SLC16A5: variants seen among roughly 807,000 people sequenced by gnomAD.
SLC16A5 encodes the protein monocarboxylate transporter 6.
SLC16A5 carries 29 observed loss-of-function variants against 33.2 expected under a neutral mutation model. The observed-to-expected ratio is 0.87, with a 90% CI of 0.65 to 1.19. The LOEUF is 1.19. Ranked by LOEUF, SLC16A5 falls within the 50% of genes most tolerant of loss-of-function variation. SLC16A5 has a pLI of 0.00. For missense variants in SLC16A5, 606 were observed against 678.2 expected, an observed-to-expected ratio of 0.89 and a Z score of 1.18; for synonymous variants, 248 against 284.1, an observed-to-expected ratio of 0.87 and a Z score of 1.28.
chr17:75,097,319 T>C (rs572287324), intron 3 of SLC16A5, among the ~76,000 whole-genome samples: 1 of 152,170 alleles, frequency 6.6e-6, no homozygotes, highest in South Asian at 2.1e-4. Context: ...CTGCAGCTCT[T>C]TTCTATTTTT....
Position 75,100,560 on chromosome 17 carries a change from C to T in SLC16A5, c.897C>T (p.Ala299=). The T allele has an allele frequency of 6.2e-7, 1 of 1,614,224 alleles. No homozygotes were observed. The highest frequency in any genetic ancestry group is 1.1e-5 in the South Asian group (1 of 91,090). ...PLAGLMAGRP[A]FASHRKYLFS... ...CCGGGCTGATGGCAGGACGGCCGGC[C>T]TTTGCTAGCCACCGCAAGTACCTGT... is the stretch of plus-strand genomic sequence containing the variant. The change falls in exon 5 of 7, where the codon GCC becomes GCT. Residue 299 remains alanine, a synonymous_variant. Transcript: ENST00000329783.
At chr17:75,094,714 G>T (rs1397579227) in intron 3 of SLC16A5, among the ~76,000 whole-genome samples, 1 of 150,622 alleles carries the variant, frequency 6.6e-6, no homozygotes, top group African/African-American at 2.4e-5. Flanking sequence ...AGGAACAAGA[G>T]GGGGACAAGG....
chr17:75,104,354 C>A (rs947493354), intron 6 of SLC16A5, 174 bp downstream of exon 6: 46 of 1,425,602 alleles, frequency 3.2e-5, no homozygotes, highest in Non-Finnish European at 3.8e-5. Context: ...GCTCTGCAAG[C>A]TGGGACTCTG....
chr17:75,099,862 C>T (rs1256161288), intron 4 of SLC16A5, 145 bp from the exon 5 acceptor site: 8 of 785,342 alleles, frequency 1.0e-5, no homozygotes, highest in Non-Finnish European at 1.4e-5. Context: ...CAGCTGATTC[C>T]ATGGTCAGTC....
intron 3 of SLC16A5, among the ~76,000 whole-genome samples, chr17:75,097,829 G>C (rs567980154): frequency 6.6e-6 from 1 of 152,178 alleles, no homozygotes; most frequent in Admixed American, 6.5e-5. Flanking sequence ...TCCTCACTTT[G>C]TAGGGGAAAA....
downstream of SLC16A5, among the ~76,000 whole-genome samples, chr17:75,108,624 T>C (rs896863621): frequency 2.0e-5 from 3 of 152,296 alleles, no homozygotes; most frequent in South Asian, 4.1e-4. Flanking sequence ...TATTTGGGCA[T>C]AGGGCATTGC....
chr17:75,106,049 C>A lies in SLC16A5; in HGVS notation c.*16C>A, dbSNP rs375610428. On this transcript the variant is annotated 3_prime_UTR_variant, in exon 7 of 7. Transcript: ENST00000329783. ...CCCTACCTGAGTGCCCTGTTTGACT[C>A]CGCCACTATCTGCCATGTGAGTTGG... 11 of 1,341,288 alleles carry A rather than the reference C, an allele frequency of 8.2e-6. No homozygotes were observed. The highest frequency in any genetic ancestry group is 1.1e-5 in the Non-Finnish European group (11 of 960,456). The allele number at this position is 1,341,288 out of a possible 1,614,324, so 83.1% of individuals were successfully genotyped here.
At position 75,100,069 on chromosome 17, in the gene SLC16A5, C is replaced by T. The variant is rs772893716; in HGVS notation, c.406C>T (p.Arg136Trp). 42 of 1,613,466 alleles carry T rather than the reference C, an allele frequency of 2.6e-5. No individual in the cohort carries two copies. The highest frequency in any genetic ancestry group is 2.8e-5 in the Non-Finnish European group (33 of 1,179,964). Residue 136 changes from arginine to tryptophan, a missense_variant, in exon 5 of 7, where the codon CGG becomes TGG. Arg to Trp is a moderately radical substitution (Grantham distance 101, BLOSUM62 -3). Transcript: ENST00000329783. The part of the protein sequence containing the change: ...ITVLGFYFVR[R>W]RVLANALASM... Reference sequence around the variant, plus strand: ...GGTGCTGGGCTTCTACTTTGTCCGCCGGCGGGTGCTGGCCAACGCGCTGGC... The same window carrying T: ...GGTGCTGGGCTTCTACTTTGTCCGCTGGCGGGTGCTGGCCAACGCGCTGGC...
intron 5 of SLC16A5, among the ~76,000 whole-genome samples, chr17:75,102,658 G>A (rs4278783): frequency 0.085 from 12,903 of 152,188 alleles, 758 homozygotes; most frequent in African/African-American, 0.17. Flanking sequence ...GAGTAGATCC[G>A]GGAGGTTGAG....
Position 75,104,124 on chromosome 17 carries a change from G to C in SLC16A5, c.1308G>C (p.Arg436=). The C allele has an allele frequency of 6.2e-7, 1 of 1,614,224 alleles. No homozygotes were observed. Among genetic ancestry groups the C allele is most frequent in the South Asian group, 1.1e-5 (1 of 91,088 alleles). ...KQAVAADALE[R]DLFLEAKDGP... is the part of the protein sequence containing the mutation. ...CTGTCGCGGCGGATGCCCTGGAGCG[G>C]GATCTTTTCTTGGAAGCCAAAGACG... Residue 436 remains arginine, a synonymous_variant, in exon 6 of 7, where the codon CGG becomes CGC. Transcript: ENST00000329783.
Position 75,093,669 on chromosome 17 carries a change from C to T in SLC16A5, c.33C>T (p.Ser11=), listed in dbSNP as rs757656854. The part of the protein sequence containing the change: MPQALERADG[S]WAWVVLLATM... ...AGGCCCTGGAGCGTGCAGATGGCAG[C>T]TGGGCCTGGGTGGTGCTGCTGGCCA... The change falls in exon 3 of 7, where the codon AGC becomes AGT. Residue 11 remains serine, a synonymous_variant. Coordinates refer to ENST00000329783, the MANE Select transcript of SLC16A5 (RefSeq NM_004695.4). 2 of 1,613,554 alleles carry T rather than the reference C, an allele frequency of 1.2e-6. No homozygotes were observed. The highest frequency in any genetic ancestry group is 1.1e-5 in the South Asian group (1 of 91,090).
At chr17:75,100,937 C>A in intron 5 of SLC16A5, 121 bp downstream of exon 5, 2 of 1,010,210 alleles carry the variant, frequency 2.0e-6, no homozygotes, top group Non-Finnish European at 2.8e-6. Context: ...ACCTGGCACT[C>A]AGAGTATGAA....
chr17:75,095,198 C>T (rs969660994), intron 3 of SLC16A5, among the ~76,000 whole-genome samples: 5 of 152,234 alleles, frequency 3.3e-5, no homozygotes, highest in Non-Finnish European at 5.9e-5. Flanking sequence ...CGCCACCCTC[C>T]TGGGTGAGCT....
intron 4 of SLC16A5, among the ~76,000 whole-genome samples, chr17:75,099,706 T>C (rs1219995518): frequency 2.6e-5 from 4 of 152,248 alleles, no homozygotes; most frequent in Admixed American, 2.0e-4. Flanking sequence ...CCCAAAGTGC[T>C]GGGATTACAG....
chr17:75,100,620 C>T lies in SLC16A5; in HGVS notation c.957C>T (p.Asn319=). The T allele has an allele frequency of 6.2e-7, 1 of 1,614,236 alleles. No individual in the cohort carries two copies. Among genetic ancestry groups the T allele is most frequent in the South Asian group, 1.1e-5 (1 of 91,092 alleles). Residue 319 remains asparagine, a synonymous_variant, in exon 5 of 7, where the codon AAC becomes AAT. Coordinates refer to ENST00000329783, the MANE Select transcript of SLC16A5 (RefSeq NM_004695.4). The part of the protein sequence containing the change: ...SLALLLNGLT[N]LVCAASGDFW... ...CACTCCTGCTCAATGGGCTCACTAA[C>T]CTGGTGTGTGCGGCATCAGGTGACT... is the stretch of plus-strand genomic sequence containing the variant.
rs544027914 is a variant in SLC16A5 at position 75,103,019 on chromosome 17, T to A, written c.1154-951T>A. Among the ~76,000 whole-genome samples, 13 of 151,946 alleles carry A rather than the reference T, an allele frequency of 8.6e-5. No individual in the cohort carries two copies. In the East Asian group the frequency reaches 2.5e-3, roughly 30 times the overall value. ...AATCCTCCTGCCTCAGCCTCCAGAGTAGCTGGGACTACAGGTGCGTGCCAC... is the reference window on the plus strand; with the variant it reads ...AATCCTCCTGCCTCAGCCTCCAGAGAAGCTGGGACTACAGGTGCGTGCCAC... On this transcript the variant is annotated intron_variant, in intron 5 of 6. Transcript: ENST00000329783.
chr17:75,093,971 T>C, intron 3 of SLC16A5, 136 bp downstream of exon 3: 1 of 1,310,812 alleles, frequency 7.6e-7, no homozygotes, highest in East Asian at 2.5e-5. Flanking sequence ...TTTCACCAGA[T>C]TTCACCAGGG....
Position 75,093,750 on chromosome 17 carries a change from C to A in SLC16A5, c.114C>A (p.Phe38Leu), listed in dbSNP as rs2073676203. 1 of 1,614,170 alleles carries A rather than the reference C, an allele frequency of 6.2e-7. No homozygotes were observed. Among genetic ancestry groups the A allele is most frequent in the Admixed American group, 1.7e-5 (1 of 60,028 alleles). ...TCCCCACGTGTATCGGCATCTTCTT[C>A]ACTGAATTGCAATGGGAGTTCCAGG... is the stretch of plus-strand genomic sequence containing the variant. Reference protein sequence around the residue: ...LGFPTCIGIFFTELQWEFQAS... With the variant: ...LGFPTCIGIFLTELQWEFQAS... Residue 38 changes from phenylalanine (F) to leucine (L), a missense_variant, in exon 3 of 7, where the codon TTC becomes TTA. Phe to Leu is a conservative substitution (Grantham distance 22). Coordinates refer to ENST00000329783, the MANE Select transcript of SLC16A5 (RefSeq NM_004695.4).
At chr17:75,093,103 G>A (rs2073664775) in intron 2 of SLC16A5, among the ~76,000 whole-genome samples, 1 of 152,062 alleles carries the variant, frequency 6.6e-6, no homozygotes, top group African/African-American at 2.4e-5. Flanking sequence ...TAGTAACTTT[G>A]CTGCTTCTGA....
Sources: allele counts gnomAD v4.1 joint callset (sites outside exome capture counted in the v4.1 genomes callset), GRCh38; gene constraint gnomAD v4.1.1; transcripts MANE v1.5; gene names NCBI Gene and HGNC (gene_info 2026-07-23, HGNC 2026-07-21).